Variants in FAM107A observed in about 807,000 individuals in gnomAD.
FAM107A encodes the protein actin-associated protein FAM107A.
FAM107A carries 19 observed loss-of-function variants against 13.7 expected under a neutral mutation model. The ratio of observed to expected loss-of-function variants is 1.38; its 90% CI spans 0.97 to 2.03. The LOEUF (loss-of-function observed/expected upper bound fraction) is 2.03. FAM107A is among the 30% of genes most tolerant of loss of function. The pLI, the probability that FAM107A is intolerant of heterozygous loss-of-function variation, is 0.00. For synonymous variants in FAM107A, 82 were observed against 74.5 expected (o/e 1.10, Z -0.52); for missense variants, 203 against 184.4 (o/e 1.10, Z -0.58).
upstream of FAM107A, among the ~76,000 whole-genome samples, chr3:58,587,945 G>T (rs545346147): frequency 6.6e-6 from 1 of 152,284 alleles, no homozygotes; most frequent in South Asian, 2.1e-4. Flanking sequence ...AGACTCAGAG[G>T]GGTGATGCAA....
At chr3:58,599,204 A>C (rs998679369) in intron 1 of FAM107A, among the ~76,000 whole-genome samples, 1 of 152,136 alleles carries the variant, frequency 6.6e-6, no homozygotes, top group Non-Finnish European at 1.5e-5. Context: ...AGCCTCCCAA[A>C]GTGCTGGGAT....
At chr3:58,621,532 C>T (rs1016287762) in intron 1 of FAM107A, among the ~76,000 whole-genome samples, 1 of 152,230 alleles carries the variant, frequency 6.6e-6, no homozygotes, top group Admixed American at 6.5e-5. Context: ...TCATTTAATG[C>T]AAACCTCTCT....
chr3:58,620,964 C>T (rs1016983525), intron 1 of FAM107A, among the ~76,000 whole-genome samples: 1 of 152,168 alleles, frequency 6.6e-6, no homozygotes, highest in Admixed American at 6.5e-5. Flanking sequence ...CTACACTCAC[C>T]TTCTGCCCCT....
At chr3:58,587,159 G>T (rs2065616778), upstream of FAM107A, 1 of 1,327,878 alleles carries the variant, frequency 7.5e-7, no homozygotes. Flanking sequence ...CAGGTAGCAG[G>T]CAGGGCGCGG....
intron 1 of FAM107A, among the ~76,000 whole-genome samples, chr3:58,584,638 G>A (rs1009145633): frequency 6.6e-6 from 1 of 152,160 alleles, no homozygotes; most frequent in Admixed American, 6.5e-5. Context: ...TCTGGAGGCA[G>A]GGAACATATG....
chr3:58,625,114 A>G (rs1359453605), intron 1 of FAM107A, among the ~76,000 whole-genome samples: 1 of 152,158 alleles, frequency 6.6e-6, no homozygotes, highest in Non-Finnish European at 1.5e-5. Flanking sequence ...AGAAATAAAA[A>G]TAAAACTTTA....
chr3:58,597,663 C>T (rs1401555098), intron 1 of FAM107A, among the ~76,000 whole-genome samples: 1 of 152,208 alleles, frequency 6.6e-6, no homozygotes, highest in Non-Finnish European at 1.5e-5. Context: ...AAACAGCTAT[C>T]GAGCACATTC....
chr3:58,618,383 G>A (rs1327376519), intron 1 of FAM107A, among the ~76,000 whole-genome samples: 4 of 152,176 alleles, frequency 2.6e-5, no homozygotes, highest in South Asian at 2.1e-4. Flanking sequence ...TTGGCCCTCC[G>A]AAGAATGACT....
chr3:58,589,219 T>C, upstream of FAM107A: 1 of 1,534,914 alleles, frequency 6.5e-7, no homozygotes, highest in Non-Finnish European at 8.7e-7. Flanking sequence ...AGCCATTTCG[T>C]CTCTGCTTCT....
chr3:58,627,128 T>C, intron 1 of FAM107A: 1 of 842,564 alleles, frequency 1.2e-6, no homozygotes, highest in Non-Finnish European at 1.9e-6. Flanking sequence ...CGGCTCATTC[T>C]CCCAGGCACA....
Position 58,577,306 on chromosome 3 carries a change from T to G in FAM107A, c.-6+3A>C, listed in dbSNP as rs1443174706. 1 of 984,768 alleles carries G rather than the reference T, an allele frequency of 1.0e-6. No individual in the cohort carries two copies. The highest frequency in any genetic ancestry group is 1.2e-6 in the Non-Finnish European group (1 of 829,484). The allele number at this position is 984,768 out of a possible 1,614,324, so 61.0% of individuals were successfully genotyped here. A position where few individuals can be genotyped will look rare whatever the true frequency, so the allele number is the denominator to read the frequency against. ...AGATGAAACAGAACAGAGATGGTCT[T>G]ACTTCTCAGGTCGAGTCCTTGGGAA... On this transcript the variant is annotated splice_donor_region_variant and intron_variant, in intron 1 of 3. Transcript: ENST00000360997. The surrounding 1 kb of genome is among the most constrained non-coding windows in gnomAD (Gnocchi z 4.9).
intron 1 of FAM107A, among the ~76,000 whole-genome samples, chr3:58,595,320 G>A (rs182444562): frequency 3.3e-5 from 5 of 152,240 alleles, no homozygotes; most frequent in East Asian, 1.9e-4. Context: ...TGACCTGCAC[G>A]TTTACATCCA....
At chr3:58,621,483 C>A (rs2065954623) in intron 1 of FAM107A, among the ~76,000 whole-genome samples, 1 of 152,170 alleles carries the variant, frequency 6.6e-6, no homozygotes, top group African/African-American at 2.4e-5. Context: ...GACAAAGTGA[C>A]AAGCTCATTT....
intron 1 of FAM107A, among the ~76,000 whole-genome samples, chr3:58,623,361 G>A (rs1393684402): frequency 1.3e-5 from 2 of 152,206 alleles, no homozygotes; most frequent in African/African-American, 4.8e-5. Flanking sequence ...TGGGTTTGGA[G>A]AAATGTTTTA....
At chr3:58,610,508 AC>A (rs1363353043) in intron 1 of FAM107A, among the ~76,000 whole-genome samples, 2 of 152,118 alleles carry the variant, frequency 1.3e-5, no homozygotes, top group Non-Finnish European at 2.9e-5. Flanking sequence ...ATAGATCTCT[AC>A]CCTGACACTT....
In FAM107A at chr3:58,564,584, G is replaced by T. The variant is rs566697036; in HGVS notation, c.*2004C>A. On this transcript the variant is annotated 3_prime_UTR_variant, in exon 4 of 4. Coordinates refer to ENST00000360997, the MANE Select transcript of FAM107A (RefSeq NM_001076778.3). The surrounding 1 kb of genome is among the most constrained non-coding windows in gnomAD (Gnocchi z 5.6). ...TTCTACCTCTGGGGCTTCATGGAAT[G>T]ACTTGTTGCCTCCATGGAGCACCTC... The T allele has an allele frequency of 1.3e-5, 2 of 152,368 alleles. No individual in the cohort carries two copies. The highest frequency in any genetic ancestry group is 3.9e-4 in the East Asian group (2 of 5,186). The allele number at this position is 152,368 out of a possible 1,614,324, so 9.4% of individuals were successfully genotyped here.
rs1284979141 is a variant in FAM107A at position 58,577,033 on chromosome 3, C to T, written c.-6+276G>A. ...TATATCATGCATTAATTCAGATTCACCTGAGGATGCAGCAGAAAAAGATCA... is the reference window on the plus strand; with the variant it reads ...TATATCATGCATTAATTCAGATTCATCTGAGGATGCAGCAGAAAAAGATCA... On this transcript the variant is annotated intron_variant, in intron 1 of 3. Transcript: ENST00000360997. The surrounding 1 kb of genome is among the most constrained non-coding windows in gnomAD (Gnocchi z 4.9). Among the ~76,000 whole-genome samples, 2 of 152,214 alleles carry T rather than the reference C, an allele frequency of 1.3e-5. No individual in the cohort carries two copies. The highest frequency in any genetic ancestry group is 1.3e-4 in the Admixed American group (2 of 15,282).
intron 1 of FAM107A, among the ~76,000 whole-genome samples, chr3:58,571,448 C>CTT (rs3838609): frequency 6.6e-6 from 1 of 151,884 alleles, no homozygotes; most frequent in Non-Finnish European, 1.5e-5. Flanking sequence ...ATTAACTTCC[C>CTT]TTTTTTTCTC....
chr3:58,617,885 G>A lies in FAM107A; in HGVS notation c.-70+9531C>T, dbSNP rs140309958. On this transcript the variant is annotated intron_variant, in intron 1 of 3. Coordinates refer to the FAM107A transcript ENST00000465970. The surrounding 1 kb of genome is among the most constrained non-coding windows in gnomAD (Gnocchi z 4.5). ...CAAGATGAACAGCTTCAATCCTGAC[G>A]CTTGAAAAACAAGTCCATGAGAACG... Among the ~76,000 whole-genome samples the A allele has an allele frequency of 1.1e-3, 164 of 152,284 alleles. 1 individual carries two copies. Among genetic ancestry groups the A allele is most frequent in the African/African-American group, 3.7e-3 (152 of 41,552 alleles).
Sources: gnomAD v4.1 joint callset for allele counts (sites outside exome capture counted in the v4.1 genomes callset) on GRCh38, gnomAD v4.1.1 for gene constraint, Gnocchi (gnomAD v3.1) non-coding constraint, MANE v1.5 for transcripts, NCBI Gene and HGNC (gene_info 2026-07-23, HGNC 2026-07-21) for gene names.